The following MTFR1 variants were observed in gnomAD, a reference collection of about 807,000 sequenced individuals.
MTFR1 encodes the protein mitochondrial fission regulator 1.
Under a neutral mutation model 38.8 loss-of-function variants are expected in MTFR1, and 28 were observed. The observed-to-expected ratio is 0.72, with a 90% CI of 0.53 to 0.99. The LOEUF is 0.99. Among genes scored for constraint, MTFR1 ranks in the 50% least tolerant of loss-of-function variants. The probability of loss-of-function intolerance (pLI) is 0.00; values close to 1 mark genes in which losing one functional copy is unlikely to be tolerated. For missense variants in MTFR1, 358 were observed against 395.5 expected (o/e 0.91, Z 0.81); for synonymous variants, 145 against 137.0 (o/e 1.06, Z -0.41).
chr8:65,714,768 G>GA (rs1806068321), downstream of MTFR1: 1 of 152,062 alleles, frequency 6.6e-6, no homozygotes, highest in Non-Finnish European at 1.5e-5. Flanking sequence ...TAAGAAAATA[G>GA]AAAGTTTAAT....
Position 65,676,985 on chromosome 8 carries a change from C to T in MTFR1, c.67-5368C>T, listed in dbSNP as rs191381014. Among the ~76,000 whole-genome samples, 690 of 151,980 alleles carry T rather than the reference C, an allele frequency of 4.5e-3. 1 individual carries two copies. The highest frequency in any genetic ancestry group is 0.01 in the Middle Eastern group (3 of 292). Reference sequence around the variant, plus strand: ...ACACAGACATGCATGTGCGCGCACACACACACACAGATTCACTGTTAGATT... The same window carrying T: ...ACACAGACATGCATGTGCGCGCACATACACACACAGATTCACTGTTAGATT... On this transcript the variant is annotated intron_variant, in intron 2 of 7. Coordinates refer to ENST00000262146, the MANE Select transcript of MTFR1 (RefSeq NM_014637.4).
At chr8:65,742,435 C>G (rs1807483910) in intron 3 of MTFR1, among the ~76,000 whole-genome samples, 1 of 152,216 alleles carries the variant, frequency 6.6e-6, no homozygotes, top group Non-Finnish European at 1.5e-5. Flanking sequence ...CTACTTCCCT[C>G]CTTGTAGCAG....
downstream of MTFR1, chr8:65,714,634 A>C (rs1299590508): frequency 1.3e-5 from 2 of 152,234 alleles, no homozygotes; most frequent in Non-Finnish European, 2.9e-5. Context: ...AATTCCTATT[A>C]GCTATTGGTC....
chr8:65,652,504 G>A (rs1814306984), intron 1 of MTFR1, among the ~76,000 whole-genome samples: 1 of 152,150 alleles, frequency 6.6e-6, no homozygotes, highest in African/African-American at 2.4e-5. Flanking sequence ...AAGGTGCTGG[G>A]ATTACAGGCA....
At chr8:65,729,091 AAGAC>A (rs1174935883) in intron 3 of MTFR1, among the ~76,000 whole-genome samples, 1 of 152,250 alleles carries the variant, frequency 6.6e-6, no homozygotes, top group Non-Finnish European at 1.5e-5. Context: ...GGTGGATTAA[AAGAC>A]AGATGTTATT....
At chr8:65,730,573 C>T (rs1451536825) in intron 3 of MTFR1, among the ~76,000 whole-genome samples, 3 of 152,118 alleles carry the variant, frequency 2.0e-5, no homozygotes, top group African/African-American at 7.2e-5. Flanking sequence ...GAAATATTGT[C>T]TTCCGTGAAA....
intron 4 of MTFR1, among the ~76,000 whole-genome samples, chr8:65,700,798 A>G (rs975229023): frequency 4.6e-5 from 7 of 152,088 alleles, no homozygotes; most frequent in Admixed American, 1.3e-4. Flanking sequence ...CTCTCTTACA[A>G]TTTGCCTGCT....
intron 2 of MTFR1, 45 bp from the exon 3 acceptor site, chr8:65,682,308 C>G: frequency 1.0e-6 from 1 of 985,558 alleles, no homozygotes; most frequent in Non-Finnish European, 1.5e-6. Flanking sequence ...CTTAACAGTT[C>G]TGTACATCTT....
intron 3 of MTFR1, chr8:65,727,179 A>C: frequency 6.3e-7 from 1 of 1,585,694 alleles, no homozygotes; most frequent in Non-Finnish European, 8.7e-7. Context: ...CCTTGTATAA[A>C]GTTGCCAAGT....
intron 3 of MTFR1, chr8:65,724,629 T>G (rs1245360935): frequency 7.4e-6 from 5 of 674,250 alleles, no homozygotes; most frequent in African/African-American, 7.3e-5. Flanking sequence ...GATCTCCTTT[T>G]GGAAGGAGTG....
chr8:65,665,639 G>A (rs540534604), intron 1 of MTFR1, among the ~76,000 whole-genome samples: 7 of 151,842 alleles, frequency 4.6e-5, no homozygotes, highest in South Asian at 2.1e-4. Flanking sequence ...CTTCCTTATC[G>A]CGCTAGCCAG....
chr8:65,748,141 G>C (rs1356793227), intron 3 of MTFR1, among the ~76,000 whole-genome samples: 2 of 150,492 alleles, frequency 1.3e-5, no homozygotes, highest in Non-Finnish European at 3.0e-5. Flanking sequence ...TTACTCTTTT[G>C]CTTCAATATA....
At chr8:65,738,138 T>C (rs1020232288) in intron 3 of MTFR1, among the ~76,000 whole-genome samples, 5 of 147,478 alleles carry the variant, frequency 3.4e-5, no homozygotes, top group African/African-American at 7.8e-5. Flanking sequence ...AAGTGTACAA[T>C]AGCATTATGT....
chr8:65,687,479 G>T (rs1563448950), intron 3 of MTFR1, among the ~76,000 whole-genome samples: 1 of 151,704 alleles, frequency 6.6e-6, no homozygotes, highest in Non-Finnish European at 1.5e-5. Flanking sequence ...CCAAGTAGCT[G>T]GGGCTACAGG....
At chr8:65,674,943 T>G (rs1483747695) in intron 2 of MTFR1, among the ~76,000 whole-genome samples, 1 of 152,180 alleles carries the variant, frequency 6.6e-6, no homozygotes, top group East Asian at 1.9e-4. Context: ...CTTTCTCTTT[T>G]CAGTGTACTT....
downstream of MTFR1, among the ~76,000 whole-genome samples, chr8:65,715,184 TTAAC>T (rs1157735057): frequency 9.2e-5 from 14 of 152,260 alleles, no homozygotes; most frequent in African/African-American, 4.8e-5. Flanking sequence ...TTTTAAATAT[TTAAC>T]TGTTTCCTAA....
intron 3 of MTFR1, among the ~76,000 whole-genome samples, chr8:65,688,733 C>T (rs1485095246): frequency 6.6e-6 from 1 of 151,750 alleles, no homozygotes; most frequent in Non-Finnish European, 1.5e-5. Context: ...GCGTAAGCCA[C>T]CGCGCCCAGC....
chr8:65,768,402 T>C (rs1365924736), intron 3 of MTFR1, among the ~76,000 whole-genome samples: 1 of 152,150 alleles, frequency 6.6e-6, no homozygotes, highest in Non-Finnish European at 1.5e-5. Context: ...ATTCTCATGA[T>C]AGTGAATAAG....
chr8:65,690,717 G>A (rs1223079155), intron 3 of MTFR1, among the ~76,000 whole-genome samples: 1 of 152,012 alleles, frequency 6.6e-6, no homozygotes, highest in East Asian at 1.9e-4. Flanking sequence ...CATTATATTG[G>A]AACAGAATTT....
Sources: allele counts gnomAD v4.1 joint callset (sites outside exome capture counted in the v4.1 genomes callset), GRCh38; gene constraint gnomAD v4.1.1; transcripts MANE v1.5; gene names NCBI Gene and HGNC (gene_info 2026-07-23, HGNC 2026-07-21).